Variants in STEAP1B observed in about 807,000 individuals in gnomAD.
STEAP1B encodes STEAP family member 1B.
STEAP1B carries 13 observed loss-of-function variants against 27.9 expected under a neutral mutation model. The observed-to-expected ratio is 0.47, with a 90% CI of 0.30 to 0.74. The LOEUF is 0.74. STEAP1B is among the 30% of genes least tolerant of loss of function. STEAP1B has a pLI of 0.06. For missense variants in STEAP1B, 250 were observed against 298.7 expected (o/e 0.84, Z 1.20); for synonymous variants, 86 against 107.1 (o/e 0.80, Z 1.22).
At chr7:22,441,246 C>T (rs2128402009) in intron 4 of STEAP1B, among the ~76,000 whole-genome samples, 2 of 152,244 alleles carry the variant, frequency 1.3e-5, no homozygotes, top group South Asian at 4.1e-4. Flanking sequence ...TCTAGGTTTA[C>T]CCTGGCCACA....
chr7:22,498,506 T>A (rs1786480026), intron 1 of STEAP1B, among the ~76,000 whole-genome samples: 1 of 152,210 alleles, frequency 6.6e-6, no homozygotes, highest in African/African-American at 2.4e-5. Flanking sequence ...ATGGTAAGGA[T>A]GCTAACAAAT....
chr7:22,462,644 T>G (rs1444032761), intron 4 of STEAP1B, among the ~76,000 whole-genome samples: 8 of 147,796 alleles, frequency 5.4e-5, no homozygotes, highest in Admixed American at 3.4e-4. Context: ...TTGGACATTT[T>G]GGTTGGTTCC....
intron 4 of STEAP1B, among the ~76,000 whole-genome samples, chr7:22,477,145 G>T (rs1785986873): frequency 6.6e-6 from 1 of 152,204 alleles, no homozygotes. Flanking sequence ...CCACTGGTGA[G>T]ACGCAAGTCA....
chr7:22,422,479 T>A (rs1183386469), intron 4 of STEAP1B, among the ~76,000 whole-genome samples: 1 of 150,902 alleles, frequency 6.6e-6, no homozygotes, highest in Admixed American at 6.7e-5. Context: ...GAAAATAAAC[T>A]TGCTTATTTG....
chr7:22,496,265 T>C (rs1020033873), intron 1 of STEAP1B, among the ~76,000 whole-genome samples: 37 of 152,160 alleles, frequency 2.4e-4, no homozygotes, highest in African/African-American at 8.7e-4. Flanking sequence ...GGCTGTACAA[T>C]GTGACGATGT....
At chr7:22,451,022 T>C (rs2128404482) in intron 4 of STEAP1B, among the ~76,000 whole-genome samples, 1 of 152,100 alleles carries the variant, frequency 6.6e-6, no homozygotes, top group Admixed American at 6.5e-5. Flanking sequence ...TGGTGAAACC[T>C]TGTCTCCACT....
chr7:22,495,511 C>T, intron 1 of STEAP1B: 1 of 152,198 alleles, frequency 6.6e-6, no homozygotes, highest in East Asian at 1.9e-4. Context: ...AAATTTATCA[C>T]TTGATAAAAG....
At chr7:22,421,439 G>A (rs1015979354) in intron 4 of STEAP1B, among the ~76,000 whole-genome samples, 14 of 152,244 alleles carry the variant, frequency 9.2e-5, no homozygotes, top group African/African-American at 3.4e-4. Flanking sequence ...GGAAACTGAG[G>A]CGTGGGGAGG....
chr7:22,474,687 G>A (rs115522389), intron 4 of STEAP1B, among the ~76,000 whole-genome samples: 1 of 152,246 alleles, frequency 6.6e-6, no homozygotes, highest in Non-Finnish European at 1.5e-5. Flanking sequence ...CAGGGCTCAA[G>A]TTCCTGTAGC....
At chr7:22,493,258 G>C (rs1266538901) in intron 3 of STEAP1B, 66 bp downstream of exon 3, 2 of 1,464,380 alleles carry the variant, frequency 1.4e-6, no homozygotes, top group East Asian at 2.4e-5. Context: ...ATTACAATGA[G>C]AAATGATTAA....
intron 4 of STEAP1B, among the ~76,000 whole-genome samples, chr7:22,424,820 A>G (rs1785085852): frequency 6.6e-6 from 1 of 152,122 alleles, no homozygotes; most frequent in Non-Finnish European, 1.5e-5. Context: ...TGAAGAGTTG[A>G]TAATAATATG....
intron 4 of STEAP1B, among the ~76,000 whole-genome samples, chr7:22,484,294 G>C (rs971321494): frequency 1.3e-5 from 2 of 152,188 alleles, no homozygotes; most frequent in South Asian, 2.1e-4. Flanking sequence ...GGTTAATGCA[G>C]CTGGTGACTG....
chr7:22,477,652 C>T (rs1785995017), intron 4 of STEAP1B, among the ~76,000 whole-genome samples: 3 of 152,044 alleles, frequency 2.0e-5, no homozygotes, highest in Admixed American at 2.0e-4. Context: ...TTTAATGGAT[C>T]CTCACTTGCA....
At chr7:22,443,618 C>T (rs548491061) in intron 4 of STEAP1B, among the ~76,000 whole-genome samples, 4 of 152,292 alleles carry the variant, frequency 2.6e-5, no homozygotes, top group South Asian at 2.1e-4. Context: ...ACATAACTTC[C>T]GCCACTGCTA....
chr7:22,421,774 A>T (rs1785045455), intron 4 of STEAP1B, among the ~76,000 whole-genome samples: 1 of 152,240 alleles, frequency 6.6e-6, no homozygotes, highest in Non-Finnish European at 1.5e-5. Flanking sequence ...CACCATAGAC[A>T]TCCTTGCTAT....
intron 4 of STEAP1B, among the ~76,000 whole-genome samples, chr7:22,449,106 C>T (rs1039969427): frequency 7.0e-6 from 1 of 143,098 alleles, no homozygotes; most frequent in East Asian, 2.0e-4. Flanking sequence ...GAATGGGGTA[C>T]CCATCCCAAG....
chr7:22,443,758 T>C (rs1785368304), intron 4 of STEAP1B, among the ~76,000 whole-genome samples: 1 of 152,202 alleles, frequency 6.6e-6, no homozygotes, highest in Non-Finnish European at 1.5e-5. Context: ...TGCCAGCTCC[T>C]TTTTCTGCAT....
chr7:22,457,131 C>T (rs1785601534), intron 4 of STEAP1B, among the ~76,000 whole-genome samples: 1 of 151,126 alleles, frequency 6.6e-6, no homozygotes, highest in African/African-American at 2.4e-5. Flanking sequence ...GGGATAAATC[C>T]AGAGGATCCA....
At chr7:22,466,291 G>C (rs1785781547) in intron 4 of STEAP1B, among the ~76,000 whole-genome samples, 1 of 152,058 alleles carries the variant, frequency 6.6e-6, no homozygotes, top group Non-Finnish European at 1.5e-5. Flanking sequence ...GTGTGGCGTG[G>C]GGGTTTGGTG....
Sources: gnomAD v4.1 joint callset for allele counts (sites outside exome capture counted in the v4.1 genomes callset) on GRCh38, gnomAD v4.1.1 for gene constraint, MANE v1.5 for transcripts, NCBI Gene and HGNC (gene_info 2026-07-23, HGNC 2026-07-21) for gene names.